GULP1: variants seen among roughly 807,000 people sequenced by gnomAD.
GULP1 encodes the protein PTB domain-containing engulfment adapter protein 1.
GULP1 carries 19 observed loss-of-function variants against 40.9 expected under a neutral mutation model. That is an observed-to-expected ratio of 0.46 (90% CI 0.32 to 0.68). The LOEUF (loss-of-function observed/expected upper bound fraction) is 0.68. Ranked by LOEUF, GULP1 falls within the 30% of genes least tolerant of loss-of-function variation. The pLI is 0.03. For synonymous variants in GULP1, 119 were observed against 117.6 expected, an observed-to-expected ratio of 1.01 and a Z score of -0.08; for missense variants, 312 against 362.2, an observed-to-expected ratio of 0.86 and a Z score of 1.12.
At chr2:188,390,173 T>C (rs1473683289) in intron 2 of GULP1, among the ~76,000 whole-genome samples, 3 of 152,200 alleles carry the variant, frequency 2.0e-5, no homozygotes, top group African/African-American at 7.2e-5. Context: ...TTAGATCTAC[T>C]TTTAGTTCCT....
chr2:188,457,532 C>A (rs1196971180), intron 2 of GULP1, among the ~76,000 whole-genome samples: 1 of 152,164 alleles, frequency 6.6e-6, no homozygotes, highest in Non-Finnish European at 1.5e-5. Flanking sequence ...AACTGTGAAT[C>A]CAGTTAAACC....
Position 188,292,049 on chromosome 2 carries a change from C to G in GULP1, c.-289C>G, listed in dbSNP as rs1161643721. On this transcript the variant is annotated 5_prime_UTR_variant, in exon 1 of 12. Coordinates refer to ENST00000409830, the MANE Select transcript of GULP1 (RefSeq NM_016315.4). This position sits in a 1 kb window ranked among gnomAD's most constrained non-coding sequence, Gnocchi z 4.0. ...CCGTGTTGGCGTAGAGAAACTTTCC[C>G]TCTCGGCCTCGGAGACGGCGCCCCG... 6.6e-6 allele frequency: 1 copy of G among 152,258 alleles called. No individual in the cohort carries two copies. Among genetic ancestry groups the G allele is most frequent in the Non-Finnish European group, 1.5e-5 (1 of 68,100 alleles). 9.4% of individuals were successfully genotyped at this position (152,258 alleles called of 1,614,324 possible).
At chr2:188,581,320 A>G (rs754155455) in intron 9 of GULP1, among the ~76,000 whole-genome samples, 30 of 152,162 alleles carry the variant, frequency 2.0e-4, no homozygotes, top group South Asian at 4.1e-4. Flanking sequence ...GGAGTCCCTA[A>G]GTAATGAGAC....
chr2:188,468,513 G>C (rs2060316733), intron 2 of GULP1, among the ~76,000 whole-genome samples: 1 of 152,054 alleles, frequency 6.6e-6, no homozygotes, highest in African/African-American at 2.4e-5. Flanking sequence ...ATATGTACTT[G>C]ATACTAGAGA....
chr2:188,557,474 A>G (rs1359249789), intron 7 of GULP1, among the ~76,000 whole-genome samples: 1 of 152,226 alleles, frequency 6.6e-6, no homozygotes, highest in African/African-American at 2.4e-5. Context: ...TAAAGCTCCA[A>G]AAGAATCTTC....
At position 188,570,132 on chromosome 2, in the gene GULP1, G is replaced by T; in HGVS notation, c.609+12G>T. 1 of 1,085,080 alleles carries T rather than the reference G, an allele frequency of 9.2e-7. No homozygotes were observed. The highest frequency in any genetic ancestry group is 1.4e-5 in the South Asian group (1 of 72,032). The allele number at this position is 1,085,080 out of a possible 1,614,324, so 67.2% of individuals were successfully genotyped here. The stretch of plus-strand genomic sequence containing the variant: ...TATCAGCACCTCCAGTGAGTATATT[G>T]AATATCCTTAGAAACAAGATTTTAT... On this transcript the variant is annotated intron_variant, in intron 9 of 11. Coordinates refer to ENST00000409830, the MANE Select transcript of GULP1 (RefSeq NM_016315.4).
At chr2:188,460,914 T>A (rs2059651300) in intron 2 of GULP1, among the ~76,000 whole-genome samples, 1 of 152,244 alleles carries the variant, frequency 6.6e-6, no homozygotes, top group Non-Finnish European at 1.5e-5. Flanking sequence ...TATCCTTCAG[T>A]CTGTTTTTAT....
chr2:188,373,086 A>T (rs1574825004), intron 1 of GULP1, among the ~76,000 whole-genome samples: 1 of 9,548 alleles, frequency 1.0e-4, no homozygotes, highest in Non-Finnish European at 1.5e-4. Flanking sequence ...GGGAATGATT[A>T]TATATATATA....
At chr2:188,486,791 T>C (rs545533315) in intron 4 of GULP1, among the ~76,000 whole-genome samples, 13 of 152,086 alleles carry the variant, frequency 8.5e-5, no homozygotes, top group African/African-American at 3.1e-4. Flanking sequence ...TATTAGTTCA[T>C]TGGGAATCTT....
At chr2:188,303,430 G>A (rs760131716) in intron 1 of GULP1, among the ~76,000 whole-genome samples, 3 of 152,180 alleles carry the variant, frequency 2.0e-5, no homozygotes, top group Non-Finnish European at 4.4e-5. Context: ...GTCATAATGG[G>A]CAGGTTTGCT....
intron 2 of GULP1, among the ~76,000 whole-genome samples, chr2:188,422,979 G>T (rs1303048715): frequency 6.6e-6 from 1 of 152,004 alleles, no homozygotes; most frequent in East Asian, 1.9e-4. Flanking sequence ...AGACTGAGAA[G>T]CACTACCCAG....
chr2:188,525,080 C>T (rs1173207083), intron 5 of GULP1, among the ~76,000 whole-genome samples: 1 of 151,882 alleles, frequency 6.6e-6, no homozygotes, highest in Non-Finnish European at 1.5e-5. Flanking sequence ...TTTTTACACT[C>T]TTTCTATCAT....
intron 1 of GULP1, among the ~76,000 whole-genome samples, chr2:188,379,278 G>A (rs183444105): frequency 6.6e-5 from 10 of 152,128 alleles, no homozygotes; most frequent in South Asian, 2.1e-4. Context: ...ATCCGCTATC[G>A]CTTTTTTCAT....
chr2:188,352,038 T>C (rs2044522805), intron 1 of GULP1, among the ~76,000 whole-genome samples: 2 of 152,202 alleles, frequency 1.3e-5, no homozygotes, highest in Admixed American at 6.5e-5. Flanking sequence ...TCTGGAACCC[T>C]GTCAAGTTAG....
At chr2:188,511,341 G>C (rs916591151) in intron 4 of GULP1, among the ~76,000 whole-genome samples, 1 of 152,144 alleles carries the variant, frequency 6.6e-6, no homozygotes, top group Admixed American at 6.6e-5. Context: ...TATTTCCACA[G>C]CCCATGTGTT....
At chr2:188,414,194 G>A (rs1240962123) in intron 2 of GULP1, among the ~76,000 whole-genome samples, 9 of 142,844 alleles carry the variant, frequency 6.3e-5, no homozygotes, top group Non-Finnish European at 1.2e-4. Context: ...TCCAGCCTGA[G>A]TGACAGAGCG....
chr2:188,531,839 A>G (rs1687624108), intron 6 of GULP1, among the ~76,000 whole-genome samples: 1 of 152,212 alleles, frequency 6.6e-6, no homozygotes, highest in African/African-American at 2.4e-5. Context: ...CTTATGTGTC[A>G]TGAAAATAAG....
At chr2:188,457,990 T>C (rs538106347) in intron 2 of GULP1, among the ~76,000 whole-genome samples, 1 of 152,322 alleles carries the variant, frequency 6.6e-6, no homozygotes, top group African/African-American at 2.4e-5. Flanking sequence ...CAACCCTCTT[T>C]TTCTGTTCTT....
chr2:188,395,091 G>A (rs2051050163), intron 2 of GULP1, among the ~76,000 whole-genome samples: 1 of 152,170 alleles, frequency 6.6e-6, no homozygotes. Context: ...ATATCCAGTA[G>A]TGGACAGAGG....
Sources: allele counts gnomAD v4.1 joint callset (sites outside exome capture counted in the v4.1 genomes callset), GRCh38; gene constraint gnomAD v4.1.1; non-coding constraint Gnocchi (gnomAD v3.1); transcripts MANE v1.5; gene names NCBI Gene and HGNC (gene_info 2026-07-23, HGNC 2026-07-21).